The following ANXA7 variants were observed in gnomAD, a reference collection of about 807,000 sequenced individuals.
ANXA7 encodes annexin VII.
Under a neutral mutation model 64.9 loss-of-function variants are expected in ANXA7, and 55 were observed. The ratio of observed to expected loss-of-function variants is 0.85; its 90% confidence interval spans 0.68 to 1.06. The LOEUF (loss-of-function observed/expected upper bound fraction) is 1.06. Among genes scored for constraint, ANXA7 ranks in the 50% least tolerant of loss-of-function variants. The pLI is 0.00. For synonymous variants in ANXA7, 200 were observed against 192.4 expected (o/e 1.04, Z -0.33); for missense variants, 548 against 582.1 (o/e 0.94, Z 0.60).
chr10:73,405,772 G>A (rs566645586), intron 1 of ANXA7, among the ~76,000 whole-genome samples: 3 of 152,040 alleles, frequency 2.0e-5, no homozygotes, highest in African/African-American at 7.2e-5. Flanking sequence ...ACTGTGAGAC[G>A]GATGATCACC....
chr10:73,395,871 A>G, intron 5 of ANXA7: 1 of 704,252 alleles, frequency 1.4e-6, no homozygotes, highest in Non-Finnish European at 2.6e-6. Flanking sequence ...AATCCAGTCA[A>G]CAGACTAACT....
intron 1 of ANXA7, among the ~76,000 whole-genome samples, chr10:73,406,684 C>T (rs1015535936): frequency 1.3e-5 from 2 of 152,118 alleles, no homozygotes; most frequent in Non-Finnish European, 2.9e-5. Context: ...ATCCTCTCAT[C>T]TCAGTCTCCT....
At chr10:73,404,091 A>C (rs140658881) in intron 1 of ANXA7, among the ~76,000 whole-genome samples, 2 of 152,356 alleles carry the variant, frequency 1.3e-5, no homozygotes, top group East Asian at 3.9e-4. Context: ...TCATTATAAC[A>C]CTTTCAGTAC....
At chr10:73,382,889 A>T (rs2055297456) in intron 9 of ANXA7, among the ~76,000 whole-genome samples, 1 of 152,136 alleles carries the variant, frequency 6.6e-6, no homozygotes, top group Non-Finnish European at 1.5e-5. Context: ...GATAAGCTCA[A>T]ATGTACAGTT....
At chr10:73,403,971 C>T (rs997568734) in intron 1 of ANXA7, among the ~76,000 whole-genome samples, 2 of 152,106 alleles carry the variant, frequency 1.3e-5, no homozygotes, top group Admixed American at 6.5e-5. Flanking sequence ...GCAGTGCCTG[C>T]AATAAAGTAA....
intron 5 of ANXA7, among the ~76,000 whole-genome samples, chr10:73,394,123 C>G (rs2055531192): frequency 6.6e-6 from 1 of 152,220 alleles, no homozygotes; most frequent in Non-Finnish European, 1.5e-5. Context: ...CTCATCATCA[C>G]TGGCCATCAG....
chr10:73,393,368 C>G (rs1175898896), intron 5 of ANXA7, among the ~76,000 whole-genome samples: 1 of 152,094 alleles, frequency 6.6e-6, no homozygotes, highest in Admixed American at 6.5e-5. Context: ...CTTTAAAGTT[C>G]ATATGGAACC....
chr10:73,383,831 G>A, intron 7 of ANXA7, 141 bp from the exon 8 acceptor site: 1 of 647,184 alleles, frequency 1.5e-6, no homozygotes, highest in Non-Finnish European at 2.7e-6. Flanking sequence ...ATACTAAGAA[G>A]TAAATAAAGG....
intron 12 of ANXA7, among the ~76,000 whole-genome samples, chr10:73,378,645 T>C (rs996525056): frequency 2.0e-5 from 3 of 152,300 alleles, no homozygotes; most frequent in Non-Finnish European, 2.9e-5. Context: ...TAACTTCCCA[T>C]AAATTTGTAT....
chr10:73,384,861 T>C (rs1207031834), intron 7 of ANXA7, among the ~76,000 whole-genome samples: 1 of 151,920 alleles, frequency 6.6e-6, no homozygotes, highest in Non-Finnish European at 1.5e-5. Context: ...ATGTAAAAAT[T>C]AGCATGCAAA....
intron 9 of ANXA7, 32 bp from the exon 10 acceptor site, chr10:73,380,233 A>G: frequency 3.8e-6 from 6 of 1,584,146 alleles, no homozygotes; most frequent in Non-Finnish European, 5.1e-6. Flanking sequence ...ATTGGAAGAA[A>G]TAAATAATAG....
At chr10:73,385,447 A>G (rs1024570282) in intron 7 of ANXA7, among the ~76,000 whole-genome samples, 2 of 152,328 alleles carry the variant, frequency 1.3e-5, no homozygotes, top group Non-Finnish European at 2.9e-5. Flanking sequence ...AACATTTTAA[A>G]GGGCCATTTT....
intron 5 of ANXA7, among the ~76,000 whole-genome samples, chr10:73,392,680 T>C (rs1051619926): frequency 3.3e-5 from 5 of 152,094 alleles, no homozygotes; most frequent in East Asian, 3.9e-4. Context: ...CTCAATAAAT[T>C]AGGTATTGAT....
chr10:73,395,914 C>T (rs1175044606), intron 5 of ANXA7: 1 of 730,036 alleles, frequency 1.4e-6, no homozygotes, highest in South Asian at 1.5e-5. Flanking sequence ...CCTATTATTA[C>T]AGGAACACAA....
At chr10:73,401,820 C>T (rs1473519656) in intron 1 of ANXA7, among the ~76,000 whole-genome samples, 1 of 152,134 alleles carries the variant, frequency 6.6e-6, no homozygotes, top group African/African-American at 2.4e-5. Context: ...ATCTTGGAAG[C>T]AGAGGGCAGT....
At position 73,388,357 on chromosome 10, in the gene ANXA7, C is replaced by T. The variant is rs764589602; in HGVS notation, c.493G>A (p.Ala165Thr). 6.2e-7 allele frequency: 1 copy of T among 1,614,048 alleles called. No individual in the cohort carries two copies. Among genetic ancestry groups the T allele is most frequent in the Non-Finnish European group, 8.5e-7 (1 of 1,179,942 alleles). Residue 165 changes from alanine (A) to threonine (T), a missense_variant, in exon 6 of 13, where the codon GCT becomes ACT. Transcript: ENST00000372921. Reference sequence around the variant, plus strand: ...CGAAGAATTTCTGCATCTCTTATAGCATCGAAGTTGGCAGCTGGTCGGATA... The same window carrying T: ...CGAAGAATTTCTGCATCTCTTATAGTATCGAAGTTGGCAGCTGGTCGGATA... ...GTIRPAANFDAIRDAEILRKA... is the reference protein window; with the variant it reads ...GTIRPAANFDTIRDAEILRKA...
At chr10:73,407,180 G>A (rs555273758) in intron 1 of ANXA7, among the ~76,000 whole-genome samples, 17 of 152,128 alleles carry the variant, frequency 1.1e-4, no homozygotes, top group Non-Finnish European at 2.2e-4. Context: ...GGGTTCAAGC[G>A]ATTCTCCTCC....
chr10:73,396,652 A>C, intron 4 of ANXA7, 69 bp from the exon 5 acceptor site: 1 of 877,284 alleles, frequency 1.1e-6, no homozygotes, highest in Non-Finnish European at 1.8e-6. Context: ...TCAAAACAGC[A>C]TTGATGACTA....
At chr10:73,405,092 A>C (rs2055731690) in intron 1 of ANXA7, among the ~76,000 whole-genome samples, 1 of 152,026 alleles carries the variant, frequency 6.6e-6, no homozygotes, top group Non-Finnish European at 1.5e-5. Context: ...AAATCCAAAA[A>C]ATTAGCCGGG....
Sources: allele counts gnomAD v4.1 joint callset (sites outside exome capture counted in the v4.1 genomes callset), GRCh38; gene constraint gnomAD v4.1.1; transcripts MANE v1.5; gene names NCBI Gene and HGNC (gene_info 2026-07-23, HGNC 2026-07-21).